Variants in ASTN2 observed in about 807,000 individuals in gnomAD.
The protein encoded by ASTN2 is astrotactin 2, also known as astrotactin-2.
A neutral mutation model predicts 139.8 loss-of-function variants in ASTN2; 54 were observed. The observed-to-expected ratio is 0.39, with a 90% CI of 0.31 to 0.48. The LOEUF is 0.48. Ranked by LOEUF, ASTN2 falls within the 20% of genes least tolerant of loss-of-function variation. The pLI is 0.95. For synonymous variants in ASTN2, 756 were observed against 719.5 expected (o/e 1.05, Z -0.81); for missense variants, 1,565 against 1,725.1 (o/e 0.91, Z 1.64).
chr9:117,399,746 G>A (rs1045734264), intron 1 of ASTN2, among the ~76,000 whole-genome samples: 9 of 152,162 alleles, frequency 5.9e-5, no homozygotes, highest in African/African-American at 2.2e-4. Context: ...TTACTAAAAG[G>A]TCTTAACACC....
At chr9:116,718,005 G>T (rs564893241) in intron 16 of ASTN2, among the ~76,000 whole-genome samples, 1 of 152,360 alleles carries the variant, frequency 6.6e-6, no homozygotes, top group South Asian at 2.1e-4. Context: ...AGCAGGCATG[G>T]TCCCTGCCCT....
intron 7 of ASTN2, among the ~76,000 whole-genome samples, chr9:116,992,356 C>A (rs959978249): frequency 2.6e-5 from 4 of 152,086 alleles, no homozygotes; most frequent in Middle Eastern, 3.4e-3. Context: ...CTCCACAGTG[C>A]CCAATCCTAC....
At chr9:116,977,057 C>T (rs556692769) in intron 7 of ASTN2, among the ~76,000 whole-genome samples, 5 of 152,204 alleles carry the variant, frequency 3.3e-5, no homozygotes, top group East Asian at 1.9e-4. Flanking sequence ...GCAACCCAGC[C>T]GCTAAAGGAG....
chr9:117,204,387 T>C (rs1221316315), intron 3 of ASTN2, among the ~76,000 whole-genome samples: 2 of 152,214 alleles, frequency 1.3e-5, no homozygotes, highest in African/African-American at 2.4e-5. Context: ...GATCAACTGA[T>C]GGATCAATCA....
At chr9:117,160,012 T>A (rs1338078705) in intron 3 of ASTN2, among the ~76,000 whole-genome samples, 1 of 152,008 alleles carries the variant, frequency 6.6e-6, no homozygotes, top group Admixed American at 6.6e-5. Context: ...CCCACAAAGA[T>A]ATGAAAGTCA....
intron 1 of ASTN2, among the ~76,000 whole-genome samples, chr9:117,383,428 A>G (rs1830320242): frequency 6.6e-6 from 1 of 152,200 alleles, no homozygotes; most frequent in African/African-American, 2.4e-5. Flanking sequence ...ACATGAATAT[A>G]TACATTTGTC....
At chr9:117,208,571 T>C (rs1041335760) in intron 3 of ASTN2, among the ~76,000 whole-genome samples, 10 of 152,266 alleles carry the variant, frequency 6.6e-5, no homozygotes, top group African/African-American at 2.4e-4. Context: ...GATGAAAATA[T>C]ATTTAATGAA....
At chr9:117,392,445 T>C (rs1375287934) in intron 1 of ASTN2, among the ~76,000 whole-genome samples, 2 of 152,218 alleles carry the variant, frequency 1.3e-5, no homozygotes, top group Non-Finnish European at 2.9e-5. Context: ...TGTCATGGTC[T>C]TCTTTTCTCT....
intron 11 of ASTN2, among the ~76,000 whole-genome samples, chr9:116,855,220 C>T (rs538533728): frequency 6.6e-6 from 1 of 152,158 alleles, no homozygotes; most frequent in Non-Finnish European, 1.5e-5. Context: ...GAATGCCACA[C>T]ACAATAATCT....
intron 1 of ASTN2, among the ~76,000 whole-genome samples, chr9:117,307,600 C>A (rs559598258): frequency 2.0e-5 from 3 of 152,344 alleles, no homozygotes; most frequent in African/African-American, 7.2e-5. Flanking sequence ...ATCATGCATG[C>A]TCCATTGTGA....
intron 13 of ASTN2, among the ~76,000 whole-genome samples, chr9:116,767,780 A>G (rs898752523): frequency 6.6e-6 from 1 of 152,218 alleles, no homozygotes; most frequent in African/African-American, 2.4e-5. Flanking sequence ...GAGCCCTCTT[A>G]ACAATGATGG....
intron 19 of ASTN2, among the ~76,000 whole-genome samples, chr9:116,550,583 G>T (rs995714056): frequency 2.0e-5 from 3 of 152,052 alleles, no homozygotes; most frequent in African/African-American, 2.4e-5. Flanking sequence ...AGAGGAAAAG[G>T]GAGAGAAAAT....
intron 20 of ASTN2, among the ~76,000 whole-genome samples, chr9:116,455,221 C>T (rs1239356798): frequency 3.3e-5 from 5 of 151,604 alleles, no homozygotes; most frequent in South Asian, 2.1e-4. Context: ...TGGTGACGCA[C>T]GTCTGTAATC....
At chr9:117,058,326 G>A (rs896898719) in intron 5 of ASTN2, among the ~76,000 whole-genome samples, 1 of 152,094 alleles carries the variant, frequency 6.6e-6, no homozygotes, top group Non-Finnish European at 1.5e-5. Flanking sequence ...GAACAAGATG[G>A]GCAAGAGTTT....
At chr9:116,662,196 T>C (rs1858601662) in intron 16 of ASTN2, among the ~76,000 whole-genome samples, 1 of 152,058 alleles carries the variant, frequency 6.6e-6, no homozygotes, top group African/African-American at 2.4e-5. Flanking sequence ...CATGTGACCA[T>C]AGACAAGCTT....
At chr9:116,793,265 CA>C (rs2132226256) in intron 13 of ASTN2, among the ~76,000 whole-genome samples, 1 of 152,136 alleles carries the variant, frequency 6.6e-6, no homozygotes, top group South Asian at 2.1e-4. Flanking sequence ...TTGGAAAAGC[CA>C]AAAACTGGAA....
chr9:116,725,351 T>TTCTTCTTGGGAGAGAAGAACCCAAGA (rs909207174), intron 16 of ASTN2, among the ~76,000 whole-genome samples: 13 of 151,954 alleles, frequency 8.6e-5, no homozygotes, highest in East Asian at 2.0e-4. Flanking sequence ...AGGAATTGAG[T>TTCTTCTTGGGAGAGAAGAACCCAAGA]TCTTCTTGGG....
intron 16 of ASTN2, chr9:116,686,719 C>T: frequency 6.4e-7 from 1 of 1,550,566 alleles, no homozygotes; most frequent in South Asian, 1.2e-5. Context: ...GGGACAGGGG[C>T]TGCAGAGTGT....
intron 1 of ASTN2, among the ~76,000 whole-genome samples, chr9:117,334,718 C>A (rs1828823257): frequency 6.6e-6 from 1 of 151,950 alleles, no homozygotes. Flanking sequence ...AAGTTTTAGC[C>A]CAATTACCAC....
Sources: allele counts gnomAD v4.1 joint callset (sites outside exome capture counted in the v4.1 genomes callset), GRCh38; gene constraint gnomAD v4.1.1; transcripts MANE v1.5; gene names NCBI Gene and HGNC (gene_info 2026-07-23, HGNC 2026-07-21).